The following SETBP1 variants were observed in gnomAD, a reference collection of about 807,000 sequenced individuals.
SETBP1 encodes the protein SET binding protein 1.
SETBP1 carries 9 observed loss-of-function variants against 101.0 expected under a neutral mutation model. The ratio of observed to expected loss-of-function variants is 0.09; its 90% CI spans 0.05 to 0.16. The LOEUF is 0.16. Among genes scored for constraint, SETBP1 ranks in the 10% least tolerant of loss-of-function variants. SETBP1 has a pLI of 1.00. For missense variants in SETBP1, 1,858 were observed against 2,033.8 expected, an observed-to-expected ratio of 0.91 and a Z score of 1.66; for synonymous variants, 818 against 788.5, an observed-to-expected ratio of 1.04 and a Z score of -0.63.
At chr18:44,893,751 C>T (rs2069826381) in intron 3 of SETBP1, among the ~76,000 whole-genome samples, 1 of 152,002 alleles carries the variant, frequency 6.6e-6, no homozygotes, top group African/African-American at 2.4e-5. Context: ...TATCAAAAGA[C>T]ATCATACAGA....
At chr18:44,708,391 A>G (rs2069265717) in intron 2 of SETBP1, among the ~76,000 whole-genome samples, 1 of 152,192 alleles carries the variant, frequency 6.6e-6, no homozygotes, top group Admixed American at 6.5e-5. Flanking sequence ...TAGCATTTCT[A>G]CACAAGAGGT....
intron 2 of SETBP1, among the ~76,000 whole-genome samples, chr18:44,844,470 A>G (rs1385197816): frequency 3.3e-5 from 5 of 152,184 alleles, no homozygotes; most frequent in Admixed American, 2.0e-4. Flanking sequence ...GAGACCATGC[A>G]TGGAGGTGTG....
intron 3 of SETBP1, among the ~76,000 whole-genome samples, chr18:44,911,917 G>A (rs530038874): frequency 1.4e-5 from 2 of 147,234 alleles, no homozygotes; most frequent in East Asian, 2.0e-4. Context: ...AGGTACAAAC[G>A]TGTGTGCTCC....
At chr18:44,967,062 C>G (rs2071735788) in intron 4 of SETBP1, among the ~76,000 whole-genome samples, 1 of 152,160 alleles carries the variant, frequency 6.6e-6, no homozygotes, top group Admixed American at 6.5e-5. Context: ...CTTTAAACAG[C>G]AGGCTTTCCT....
At position 44,894,652 on chromosome 18, in the gene SETBP1, A is replaced by C. The variant is rs80213305; in HGVS notation, c.540+25369A>C. ...CTGAAAATAGTAACTCTCCCTGGTT[A>C]TTTCCACAGTCACTTTAGGCACTTG... On this transcript the variant is annotated intron_variant, in intron 3 of 5. Transcript: ENST00000649279. 3.1e-3 allele frequency among the ~76,000 whole-genome samples: 465 copies of C among 152,210 alleles called. 3 individuals are homozygous for C. The highest frequency in any genetic ancestry group is 0.011 in the African/African-American group (442 of 41,530).
chr18:44,812,258 A>C (rs566685043), intron 2 of SETBP1, among the ~76,000 whole-genome samples: 9 of 152,228 alleles, frequency 5.9e-5, no homozygotes, highest in Non-Finnish European at 1.3e-4. Flanking sequence ...GGTTAAGACT[A>C]TACCACAGTG....
At chr18:44,948,015 G>A (rs934605382) in intron 3 of SETBP1, among the ~76,000 whole-genome samples, 3 of 152,090 alleles carry the variant, frequency 2.0e-5, no homozygotes, top group Non-Finnish European at 4.4e-5. Context: ...TAAGTAAGTG[G>A]CACTTAATAT....
intron 3 of SETBP1, among the ~76,000 whole-genome samples, chr18:44,942,232 A>T (rs2071103629): frequency 6.6e-6 from 1 of 152,154 alleles, no homozygotes; most frequent in Admixed American, 6.5e-5. Flanking sequence ...TGGGATATTC[A>T]TTGAAGCCTC....
chr18:44,770,352 T>C (rs1278907634), intron 2 of SETBP1, among the ~76,000 whole-genome samples: 2 of 152,302 alleles, frequency 1.3e-5, no homozygotes, highest in East Asian at 1.9e-4. Context: ...CTGGGTGAGA[T>C]GGTGGGTTAA....
In SETBP1 at chr18:45,000,801, C is replaced by CACACACAA. The variant is rs1243858640; in HGVS notation, c.4001-37677_4001-37676insAACACACA. On this transcript the variant is annotated intron_variant, in intron 4 of 5. Coordinates refer to ENST00000649279, the MANE Select transcript of SETBP1 (RefSeq NM_015559.3). Reference sequence around the variant, plus strand: ...TCAACGGGAATGCACACAACACACACACACACACACACACACACACACACT... The same window carrying CACACACAA: ...TCAACGGGAATGCACACAACACACACACACACAAACACACACACACACACACACACACT... Among the ~76,000 whole-genome samples the CACACACAA allele has an allele frequency of 4.6e-5, 7 of 151,408 alleles. No homozygotes were observed. The East Asian group carries it at 1.4e-3, about 29-fold the overall frequency.
chr18:44,939,802 C>T (rs924850859), intron 3 of SETBP1, among the ~76,000 whole-genome samples: 1 of 152,186 alleles, frequency 6.6e-6, no homozygotes, highest in Non-Finnish European at 1.5e-5. Flanking sequence ...TCTTTGATGG[C>T]AGATAATGTT....
chr18:44,918,306 C>T (rs1235387629), intron 3 of SETBP1, among the ~76,000 whole-genome samples: 3 of 152,210 alleles, frequency 2.0e-5, no homozygotes, highest in African/African-American at 7.2e-5. Context: ...GCCACCACCT[C>T]ATCCTGAGGA....
chr18:44,983,979 G>A (rs1038940542), intron 4 of SETBP1, among the ~76,000 whole-genome samples: 2 of 152,164 alleles, frequency 1.3e-5, no homozygotes, highest in Non-Finnish European at 2.9e-5. Flanking sequence ...TGAGGCAGGT[G>A]GATCACAGGT....
At chr18:44,753,721 T>C (rs887044283) in intron 2 of SETBP1, among the ~76,000 whole-genome samples, 1 of 152,238 alleles carries the variant, frequency 6.6e-6, no homozygotes, top group Admixed American at 6.5e-5. Context: ...TCAAGTCAAG[T>C]GTCTAGGGAA....
intron 3 of SETBP1, among the ~76,000 whole-genome samples, chr18:44,938,640 G>GCTT (rs1437419445): frequency 6.6e-6 from 1 of 152,214 alleles, no homozygotes. Context: ...TTCTTGTCAA[G>GCTT]CTTCCTTCCT....
chr18:44,715,276 G>A (rs959408727), intron 2 of SETBP1, among the ~76,000 whole-genome samples: 4 of 152,198 alleles, frequency 2.6e-5, no homozygotes, highest in Non-Finnish European at 2.9e-5. Context: ...GCCCATAGCC[G>A]TATCCCTGCT....
rs529611461 is a variant in SETBP1 at position 45,038,494 on chromosome 18, G to A, written c.4010G>A (p.Ser1337Asn). The stretch of plus-strand genomic sequence containing the variant: ...GGTTGTTATTTTTTAGGGATGCCAA[G>A]TCCCCACTTAAAAGTGGACCAGACA... ...YDSSMSPGMP[S>N]PHLKVDQTAV... The change falls in exon 5 of 6, where the codon AGT becomes AAT. Residue 1337 changes from serine to asparagine, a missense_variant. By Grantham distance (46) the Ser-to-Asn change is conservative. Coordinates refer to ENST00000649279, the MANE Select transcript of SETBP1 (RefSeq NM_015559.3). The A allele has an allele frequency of 1.9e-6, 3 of 1,614,066 alleles. No homozygotes were observed. Among genetic ancestry groups the A allele is most frequent in the Non-Finnish European group, 2.5e-6 (3 of 1,179,972 alleles).
chr18:45,033,485 C>G (rs1199718635), intron 4 of SETBP1, among the ~76,000 whole-genome samples: 1 of 152,198 alleles, frequency 6.6e-6, no homozygotes, highest in Non-Finnish European at 1.5e-5. Flanking sequence ...AAACCACTAA[C>G]TGCTCAATAT....
chr18:44,962,467 G>A (rs986334201), intron 4 of SETBP1, among the ~76,000 whole-genome samples: 10 of 152,132 alleles, frequency 6.6e-5, no homozygotes, highest in Non-Finnish European at 2.9e-5. Flanking sequence ...TTGGTGCTAG[G>A]TGCTGAGTGG....
Sources: gnomAD v4.1 joint callset for allele counts (sites outside exome capture counted in the v4.1 genomes callset) on GRCh38, gnomAD v4.1.1 for gene constraint, MANE v1.5 for transcripts, NCBI Gene and HGNC (gene_info 2026-07-23, HGNC 2026-07-21) for gene names.